The following JPH2 variants were observed in gnomAD, a reference collection of about 807,000 sequenced individuals.
JPH2 encodes junctophilin 2, also known as junctophilin-2.
In JPH2, 38 loss-of-function variants were observed where a neutral mutation model predicts 55.9. That is an observed-to-expected ratio of 0.68 (90% CI 0.52 to 0.89). The LOEUF is 0.89. JPH2 is among the 40% of genes least tolerant of loss of function. The probability of loss-of-function intolerance (pLI) is 0.00; values close to 1 mark genes in which losing one functional copy is unlikely to be tolerated. For synonymous variants in JPH2, 480 were observed against 472.4 expected (o/e 1.02, Z -0.21); for missense variants, 964 against 1,037.6 (o/e 0.93, Z 0.97).
intron 2 of JPH2, among the ~76,000 whole-genome samples, chr20:44,152,856 G>A (rs2072541374): frequency 6.6e-6 from 1 of 152,158 alleles, no homozygotes; most frequent in African/African-American, 2.4e-5. Context: ...TAAACAAAAA[G>A]AAAACAAACT....
intron 3 of JPH2, among the ~76,000 whole-genome samples, chr20:44,116,822 C>T (rs1046368575): frequency 3.3e-5 from 5 of 152,216 alleles, no homozygotes; most frequent in Non-Finnish European, 7.3e-5. Context: ...GAGCTCAGGG[C>T]CCCGCACCGG....
rs148099518 is a variant in JPH2 at position 44,127,644 on chromosome 20, C to A, written c.1170-9021G>T. ...GGGATTACAGGCACCCGACACCATG[C>A]CTGGCTGATTTTTTTTTGTATTTTT... On this transcript the variant is annotated intron_variant, in intron 2 of 5. Transcript: ENST00000372980. 1.5e-4 allele frequency among the ~76,000 whole-genome samples: 23 copies of A among 150,188 alleles called. No individual in the cohort carries two copies. In the East Asian group the frequency reaches 4.4e-3, roughly 29 times the overall value.
chr20:44,180,108 C>T (rs1168650145), intron 1 of JPH2, among the ~76,000 whole-genome samples: 5 of 152,200 alleles, frequency 3.3e-5, no homozygotes, highest in African/African-American at 1.2e-4. Context: ...GTCACAGCTA[C>T]TGAGGAGGCT....
In JPH2 at chr20:44,160,469, G is replaced by A. The variant is rs1267863434; in HGVS notation, c.380-62C>T. On this transcript the variant is annotated intron_variant, in intron 1 of 5. Coordinates refer to ENST00000372980, the MANE Select transcript of JPH2 (RefSeq NM_020433.5). The surrounding 1 kb of genome is among the most constrained non-coding windows in gnomAD (Gnocchi z 4.9). ...GACGGGTCCCCGCGTGTGCACGGTG[G>A]CCTGGGAGGGCAAGGGCGGGAGTGG... 4 of 1,560,726 alleles carry A rather than the reference G, an allele frequency of 2.6e-6. No individual in the cohort carries two copies. The South Asian group carries it at 3.5e-5, about 14-fold the overall frequency.
chr20:44,186,178 G>A, intron 1 of JPH2, 149 bp downstream of exon 1: 1 of 815,214 alleles, frequency 1.2e-6, no homozygotes, highest in Non-Finnish European at 1.9e-6. Flanking sequence ...GCTCAGAAAG[G>A]TAGAGCAGCT....
At chr20:44,129,467 A>C (rs2072300012) in intron 2 of JPH2, among the ~76,000 whole-genome samples, 1 of 149,262 alleles carries the variant, frequency 6.7e-6, no homozygotes, top group African/African-American at 2.5e-5. Flanking sequence ...AGACAGGAGA[A>C]TTGCTTGAAT....
At chr20:44,118,447 A>G (rs1172520511) in intron 3 of JPH2, 58 bp downstream of exon 3, 2 of 1,372,150 alleles carry the variant, frequency 1.5e-6, no homozygotes, top group Non-Finnish European at 2.1e-6. Context: ...GTAAGCAAAG[A>G]AAAGCGCCCA....
intron 2 of JPH2, among the ~76,000 whole-genome samples, chr20:44,143,628 C>A (rs939230550): frequency 6.6e-6 from 1 of 152,202 alleles, no homozygotes; most frequent in African/African-American, 2.4e-5. Context: ...TCGTGCTCCC[C>A]GCTCACGCCC....
chr20:44,118,701 G>A, intron 2 of JPH2, 78 bp from the exon 3 acceptor site: 2 of 1,138,914 alleles, frequency 1.8e-6, no homozygotes, highest in Non-Finnish European at 2.6e-6. Flanking sequence ...AACCCACAAA[G>A]AGACATGCTA....
rs1451796473 is a variant in JPH2, at chr20:44,177,938, C to G, written c.379+8389G>C. The G allele has an allele frequency of 2.2e-6, 3 of 1,392,516 alleles. No homozygotes were observed. In the African/African-American group the frequency reaches 4.3e-5, roughly 20 times the overall value. The allele number at this position is 1,392,516 out of a possible 1,614,324, so 86.3% of individuals were successfully genotyped here. On this transcript the variant is annotated intron_variant, in intron 1 of 5. Transcript: ENST00000372980. ...GTGCTTCATTGTCTTGTTTCATTGT[C>G]TCGACCATATTCTGAGGGCGATTTT... is the stretch of plus-strand genomic sequence containing the variant.
chr20:44,151,701 C>T (rs571180009), intron 2 of JPH2, among the ~76,000 whole-genome samples: 2 of 152,232 alleles, frequency 1.3e-5, no homozygotes, highest in East Asian at 3.9e-4. Context: ...TGCCTGGCCC[C>T]TGGAACCTTT....
chr20:44,170,038 AG>A (rs1459013093), intron 1 of JPH2, among the ~76,000 whole-genome samples: 2 of 152,218 alleles, frequency 1.3e-5, no homozygotes, highest in Non-Finnish European at 2.9e-5. Context: ...ACACAGTTTC[AG>A]GTATTCTGTT....
At chr20:44,124,400 CA>C (rs1200518943) in intron 2 of JPH2, among the ~76,000 whole-genome samples, 1 of 152,164 alleles carries the variant, frequency 6.6e-6, no homozygotes, top group African/African-American at 2.4e-5. Flanking sequence ...CTTAAAGAGT[CA>C]GTTTAAGACC....
chr20:44,114,578 G>T (rs1327963413), intron 5 of JPH2, among the ~76,000 whole-genome samples: 2 of 114,518 alleles, frequency 1.7e-5, no homozygotes, highest in African/African-American at 9.1e-5. Context: ...GTGTGTGTGT[G>T]TGTGTGTGTG....
In JPH2 at chr20:44,160,174, G is replaced by C; in HGVS notation, c.613C>G (p.Leu205Val). The change falls in exon 2 of 6, where the codon CTG becomes GTG. Residue 205 changes from leucine (L) to valine (V), a missense_variant. Coordinates refer to ENST00000372980, the MANE Select transcript of JPH2 (RefSeq NM_020433.5). The surrounding 1 kb of genome is among the most constrained non-coding windows in gnomAD (Gnocchi z 4.9). The part of the protein sequence containing the change: ...IPRGGFALSL[L>V]ANAEAAARAP... ...CGCGCGGCCGCCTCGGCATTGGCCA[G>C]GAGGCTGAGCGCGAAGCCGCCACGC... The C allele has an allele frequency of 7.1e-7, 1 of 1,414,210 alleles. No homozygotes were observed. The highest frequency in any genetic ancestry group is 9.1e-7 in the Non-Finnish European group (1 of 1,094,056). 87.6% of individuals were successfully genotyped at this position (1,414,210 alleles called of 1,614,324 possible).
At chr20:44,123,379 G>A (rs2072252131) in intron 2 of JPH2, among the ~76,000 whole-genome samples, 1 of 151,996 alleles carries the variant, frequency 6.6e-6, no homozygotes, top group Non-Finnish European at 1.5e-5. Context: ...CTTCCCATGG[G>A]TCTCCCCTGC....
chr20:44,173,060 T>A (rs953143137), intron 1 of JPH2, among the ~76,000 whole-genome samples: 6 of 152,232 alleles, frequency 3.9e-5, no homozygotes, highest in African/African-American at 1.4e-4. Flanking sequence ...TGCCTGGACA[T>A]AGACCAAACT....
At chr20:44,183,484 C>A (rs1170028435) in intron 1 of JPH2, among the ~76,000 whole-genome samples, 2 of 152,340 alleles carry the variant, frequency 1.3e-5, no homozygotes, top group East Asian at 3.9e-4. Flanking sequence ...CACCCAGACA[C>A]CCACCAACTG....
At position 44,123,174 on chromosome 20, in the gene JPH2, G is replaced by A. The variant is rs575049100; in HGVS notation, c.1170-4551C>T. Among the ~76,000 whole-genome samples, 33 of 152,232 alleles carry A rather than the reference G, an allele frequency of 2.2e-4. No homozygotes were observed. In the South Asian group the frequency reaches 6.4e-3, roughly 30 times the overall value. On this transcript the variant is annotated intron_variant, in intron 2 of 5. Transcript: ENST00000372980. ...CTGTCCATCTCCAACCACCCGGCCC[G>A]CTGCATCCTATCAGCCCTTCTCCCC...
Sources: allele counts gnomAD v4.1 joint callset (sites outside exome capture counted in the v4.1 genomes callset), GRCh38; gene constraint gnomAD v4.1.1; non-coding constraint Gnocchi (gnomAD v3.1); transcripts MANE v1.5; gene names NCBI Gene and HGNC (gene_info 2026-07-23, HGNC 2026-07-21).